The following ZNRF3 variants were observed in gnomAD, a reference collection of about 807,000 sequenced individuals.
ZNRF3 encodes zinc and ring finger 3.
A neutral mutation model predicts 72.5 loss-of-function variants in ZNRF3; 23 were observed. The ratio of observed to expected loss-of-function variants is 0.32; its 90% CI spans 0.23 to 0.45. The LOEUF (loss-of-function observed/expected upper bound fraction) is 0.45. Ranked by LOEUF, ZNRF3 falls within the 20% of genes least tolerant of loss-of-function variation. The probability of loss-of-function intolerance (pLI) is 1.00; values close to 1 mark genes in which losing one functional copy is unlikely to be tolerated. For missense variants in ZNRF3, 1,169 were observed against 1,272.1 expected (o/e 0.92, Z 1.23); for synonymous variants, 610 against 545.3 (o/e 1.12, Z -1.65).
chr22:29,055,955 A>G lies in ZNRF3; in HGVS notation c.*2333A>G, dbSNP rs1238005203. The G allele has an allele frequency of 6.6e-6, 1 of 152,218 alleles. No homozygotes were observed. Among genetic ancestry groups the G allele is most frequent in the Non-Finnish European group, 1.5e-5 (1 of 68,036 alleles). The allele number at this position is 152,218 out of a possible 1,614,324, so 9.4% of individuals were successfully genotyped here. A position where few individuals can be genotyped will look rare whatever the true frequency, so the allele number is the denominator to read the frequency against. ...TAGATGAGTAGAGAATGTGGCTTCAACTGGGCTTATTAAAGTAAGTGTGTC... is the reference window on the plus strand; with the variant it reads ...TAGATGAGTAGAGAATGTGGCTTCAGCTGGGCTTATTAAAGTAAGTGTGTC... On this transcript the variant is annotated 3_prime_UTR_variant, in exon 9 of 9. Transcript: ENST00000544604.
At position 29,049,734 on chromosome 22, in the gene ZNRF3, C is replaced by T; in HGVS notation, c.1553C>T (p.Pro518Leu). 1 of 1,598,086 alleles carries T rather than the reference C, an allele frequency of 6.3e-7. No individual in the cohort carries two copies. The highest frequency in any genetic ancestry group is 8.5e-7 in the Non-Finnish European group (1 of 1,171,494). ...LFPTVVHVAP[P>L]SHLESGSTSS... is the part of the protein sequence containing the mutation. Reference sequence around the variant, plus strand: ...CCCACCGTGGTGCACGTGGCCCCGCCCTCCCACCTGGAGAGCGGCAGCACG... The same window carrying T: ...CCCACCGTGGTGCACGTGGCCCCGCTCTCCCACCTGGAGAGCGGCAGCACG... Residue 518 changes from proline (P) to leucine (L), a missense_variant, in exon 8 of 9, where the codon CCC (proline) becomes CTC (leucine). This residue lies in a region of ZNRF3 where 783 missense variants were observed against 731.4 expected (regional missense o/e 1.07). Coordinates refer to ENST00000544604, the MANE Select transcript of ZNRF3 (RefSeq NM_001206998.2). The surrounding 1 kb of genome is among the most constrained non-coding windows in gnomAD (Gnocchi z 5.2).
At chr22:28,920,594 T>C (rs909576800) in intron 1 of ZNRF3, among the ~76,000 whole-genome samples, 21 of 152,252 alleles carry the variant, frequency 1.4e-4, no homozygotes, top group African/African-American at 5.1e-4. Flanking sequence ...TGATCAGTTA[T>C]ATTTCAATAC....
intron 2 of ZNRF3, among the ~76,000 whole-genome samples, chr22:29,015,627 A>G (rs9613771): frequency 0.47 from 69,586 of 149,520 alleles, 16,531 homozygotes; most frequent in Non-Finnish European, 0.51. Context: ...CTGAGACTGC[A>G]CCACTGCACT....
At position 28,995,679 on chromosome 22, in the gene ZNRF3, G is replaced by A. The variant is rs1377563554; in HGVS notation, c.426+8478G>A. On this transcript the variant is annotated intron_variant, in intron 2 of 8. Transcript: ENST00000544604. ...AAGTCAAAGCTCGTAAAATTACAGT[G>A]TAGGTGTTAATCTAGCACAGCAGTT... is the stretch of plus-strand genomic sequence containing the variant. Among the ~76,000 whole-genome samples the A allele has an allele frequency of 3.3e-5, 5 of 152,252 alleles. No homozygotes were observed. The East Asian group carries it at 7.7e-4, about 23-fold the overall frequency.
At chr22:29,007,424 G>A (rs1190531369) in intron 2 of ZNRF3, among the ~76,000 whole-genome samples, 3 of 152,130 alleles carry the variant, frequency 2.0e-5, no homozygotes, top group African/African-American at 7.2e-5. Context: ...ATCGCTTAAG[G>A]CCAGGAGTTC....
At chr22:28,950,223 C>G (rs796763939) in intron 1 of ZNRF3, among the ~76,000 whole-genome samples, 42 of 152,152 alleles carry the variant, frequency 2.8e-4, no homozygotes, top group Admixed American at 5.9e-4. Flanking sequence ...AATGGTTTTG[C>G]CCTCACAGAT....
intron 1 of ZNRF3, among the ~76,000 whole-genome samples, chr22:28,891,836 T>TA (rs770684820): frequency 1.1e-4 from 17 of 152,252 alleles, no homozygotes; most frequent in Non-Finnish European, 2.2e-4. Flanking sequence ...CTTCTTTTTT[T>TA]AAATCACAAA....
At chr22:28,930,056 AC>A (rs1415810022) in intron 1 of ZNRF3, among the ~76,000 whole-genome samples, 5 of 152,246 alleles carry the variant, frequency 3.3e-5, no homozygotes, top group Admixed American at 6.5e-5. Flanking sequence ...CAGAACAAAT[AC>A]GTATAAACAC....
intron 1 of ZNRF3, among the ~76,000 whole-genome samples, chr22:28,955,389 T>C (rs572142023): frequency 6.6e-6 from 1 of 152,214 alleles, no homozygotes; most frequent in South Asian, 2.1e-4. Context: ...TATCAAGAGT[T>C]TGTGCTAGTT....
chr22:29,024,919 G>A (rs977527741), intron 2 of ZNRF3: 1 of 148,438 alleles, frequency 6.7e-6, no homozygotes, highest in African/African-American at 2.5e-5. Context: ...TAGTTGTTAA[G>A]TTTATACAAT....
chr22:28,902,495 A>G (rs534659787), intron 1 of ZNRF3, among the ~76,000 whole-genome samples: 2 of 150,828 alleles, frequency 1.3e-5, no homozygotes, highest in African/African-American at 2.4e-5. Context: ...TGATCCTCCC[A>G]CCTTAGCCTC....
At chr22:28,920,627 G>A (rs935637628) in intron 1 of ZNRF3, among the ~76,000 whole-genome samples, 5 of 152,300 alleles carry the variant, frequency 3.3e-5, no homozygotes, top group African/African-American at 9.6e-5. Context: ...TTTGCCTTGC[G>A]GTTACTGAAA....
intron 1 of ZNRF3, among the ~76,000 whole-genome samples, chr22:28,921,888 GT>G (rs1013171621): frequency 6.6e-6 from 1 of 152,182 alleles, no homozygotes; most frequent in African/African-American, 2.4e-5. Context: ...AATAGGATCT[GT>G]GCTACGTTAG....
At chr22:28,998,358 A>G (rs2036083598) in intron 2 of ZNRF3, among the ~76,000 whole-genome samples, 1 of 152,164 alleles carries the variant, frequency 6.6e-6, no homozygotes, top group Non-Finnish European at 1.5e-5. Context: ...ATCACTATCA[A>G]TTTCTAAACA....
intron 2 of ZNRF3, among the ~76,000 whole-genome samples, chr22:29,020,155 A>G (rs979571456): frequency 6.6e-6 from 1 of 151,984 alleles, no homozygotes; most frequent in East Asian, 1.9e-4. Flanking sequence ...AATACAATGT[A>G]AGTACTATGT....
chr22:29,014,205 G>T lies in ZNRF3; in HGVS notation c.426+27004G>T, dbSNP rs977604585. Among the ~76,000 whole-genome samples, 3 of 152,134 alleles carry T rather than the reference G, an allele frequency of 2.0e-5. No homozygotes were observed. The East Asian group carries it at 5.8e-4, about 29-fold the overall frequency. ...CCAGCCAAAATCTTGTCCTCAGGAA[G>T]AGCTGAGACATGTTACTCTAATTAT... On this transcript the variant is annotated intron_variant, in intron 2 of 8. Coordinates refer to ENST00000544604, the MANE Select transcript of ZNRF3 (RefSeq NM_001206998.2).
At chr22:29,046,678 G>T (rs7293008) in intron 5 of ZNRF3, 38 bp from the exon 6 acceptor site, 4 of 1,542,412 alleles carry the variant, frequency 2.6e-6, no homozygotes, top group Non-Finnish European at 2.6e-6. Context: ...ACTTTCATAC[G>T]TACTGGACCC....
chr22:28,927,330 C>T (rs1281280625), intron 1 of ZNRF3, among the ~76,000 whole-genome samples: 2 of 151,996 alleles, frequency 1.3e-5, no homozygotes, highest in South Asian at 2.1e-4. Context: ...CCAAGGCAGG[C>T]GAATCACAAG....
intron 2 of ZNRF3, among the ~76,000 whole-genome samples, chr22:29,004,533 C>T (rs912740904): frequency 6.6e-6 from 1 of 152,156 alleles, no homozygotes. Flanking sequence ...CTAGGTGGCC[C>T]CTCTGTCACC....
Sources: allele counts gnomAD v4.1 joint callset (sites outside exome capture counted in the v4.1 genomes callset), GRCh38; gene constraint gnomAD v4.1.1; regional missense constraint gnomAD v4.1.1; non-coding constraint Gnocchi (gnomAD v3.1); transcripts MANE v1.5; gene names NCBI Gene and HGNC (gene_info 2026-07-23, HGNC 2026-07-21).